COL15A1: variants seen among roughly 807,000 people sequenced by gnomAD.
COL15A1 encodes the protein collagen alpha-1(XV) chain.
A neutral mutation model predicts 165.9 loss-of-function variants in COL15A1; 111 were observed. That is an observed-to-expected ratio of 0.67 (90% CI 0.57 to 0.78). The LOEUF (loss-of-function observed/expected upper bound fraction) is 0.78, where lower values mean the gene tolerates loss of function less well. Ranked by LOEUF, COL15A1 falls within the 30% of genes least tolerant of loss-of-function variation. COL15A1 has a pLI of 0.00. For missense variants in COL15A1, 1,745 were observed against 1,789.7 expected, an observed-to-expected ratio of 0.98 and a Z score of 0.45; for synonymous variants, 659 against 674.8, an observed-to-expected ratio of 0.98 and a Z score of 0.36.
At chr9:99,041,983 T>A (rs2119072524) in intron 23 of COL15A1, 62 bp from the exon 24 acceptor site, 1 of 1,079,304 alleles carries the variant, frequency 9.3e-7, no homozygotes, top group South Asian at 1.4e-5. Flanking sequence ...AATATATTTC[T>A]GATTGGTTTA....
chr9:98,991,129 G>A (rs968284177), intron 5 of COL15A1, among the ~76,000 whole-genome samples: 1 of 152,188 alleles, frequency 6.6e-6, no homozygotes, highest in Non-Finnish European at 1.5e-5. Context: ...CATAAAGTCA[G>A]TGCGGACCCA....
intron 35 of COL15A1, 109 bp from the exon 36 acceptor site, chr9:99,059,780 T>C: frequency 1.6e-6 from 2 of 1,212,580 alleles, no homozygotes; most frequent in Non-Finnish European, 2.4e-6. Flanking sequence ...GGATGCTTTG[T>C]GGCGCTGTGA....
At chr9:99,045,480 A>G (rs1436302450) in intron 26 of COL15A1, among the ~76,000 whole-genome samples, 1 of 152,232 alleles carries the variant, frequency 6.6e-6, no homozygotes, top group Non-Finnish European at 1.5e-5. Flanking sequence ...CTGGGAATCC[A>G]TAACCCATCT....
chr9:98,989,715 CTT>C (rs1838383446), intron 5 of COL15A1, among the ~76,000 whole-genome samples: 1 of 152,204 alleles, frequency 6.6e-6, no homozygotes, highest in Non-Finnish European at 1.5e-5. Flanking sequence ...AACGATGGCT[CTT>C]GTTATATTTG....
chr9:98,953,303 A>G (rs1658762449), intron 2 of COL15A1, among the ~76,000 whole-genome samples: 1 of 152,158 alleles, frequency 6.6e-6, no homozygotes, highest in African/African-American at 2.4e-5. Context: ...TGCTCTATCC[A>G]AACTACAGAG....
At chr9:99,015,686 G>T in intron 10 of COL15A1, 120 bp downstream of exon 10, 1 of 952,014 alleles carries the variant, frequency 1.1e-6, no homozygotes, top group South Asian at 1.6e-5. Context: ...CACATGTCTG[G>T]GTGGGCAGCT....
chr9:99,047,302 G>A (rs1057487516), intron 26 of COL15A1, among the ~76,000 whole-genome samples: 1 of 152,236 alleles, frequency 6.6e-6, no homozygotes, highest in Admixed American at 6.5e-5. Flanking sequence ...CCTAGGGGCA[G>A]GTTAGAGCAA....
chr9:99,000,732 G>A, intron 6 of COL15A1, 107 bp from the exon 7 acceptor site: 1 of 703,890 alleles, frequency 1.4e-6, no homozygotes, highest in Non-Finnish European at 2.6e-6. Flanking sequence ...TTGACCCTGT[G>A]TCATGGTATC....
intron 2 of COL15A1, among the ~76,000 whole-genome samples, chr9:98,979,682 A>C (rs1838201880): frequency 6.6e-6 from 1 of 151,688 alleles, no homozygotes; most frequent in Admixed American, 6.6e-5. Context: ...AGTTCTATGC[A>C]GAACATTTTT....
intron 26 of COL15A1, 133 bp from the exon 27 acceptor site, chr9:99,047,653 C>A (rs2119093589): frequency 2.2e-6 from 2 of 902,634 alleles, no homozygotes; most frequent in Non-Finnish European, 1.8e-6. Context: ...GGGCTTCTAC[C>A]TGGCTCCCTG....
At chr9:99,064,555 T>C (rs1825865736) in intron 39 of COL15A1, among the ~76,000 whole-genome samples, 1 of 152,010 alleles carries the variant, frequency 6.6e-6, no homozygotes, top group Non-Finnish European at 1.5e-5. Flanking sequence ...CAAAAGAGAA[T>C]CTATACAGTC....
intron 16 of COL15A1, among the ~76,000 whole-genome samples, chr9:99,031,331 C>G (rs753085140): frequency 3.9e-5 from 6 of 152,140 alleles, no homozygotes; most frequent in Non-Finnish European, 5.9e-5. Context: ...GAGATGGGAC[C>G]CTTCCCATGC....
At chr9:99,034,779 A>G (rs1839269468) in intron 17 of COL15A1, among the ~76,000 whole-genome samples, 195 bp downstream of exon 17, 1 of 152,078 alleles carries the variant, frequency 6.6e-6, no homozygotes, top group Non-Finnish European at 1.5e-5. Context: ...ACACACTTCA[A>G]TGTTTTCTCC....
At chr9:98,959,244 A>T (rs1356638677) in intron 2 of COL15A1, among the ~76,000 whole-genome samples, 1 of 151,330 alleles carries the variant, frequency 6.6e-6, no homozygotes, top group East Asian at 1.9e-4. Context: ...AAAAAAAAAA[A>T]AAACTAAAAA....
intron 2 of COL15A1, among the ~76,000 whole-genome samples, chr9:98,964,796 T>G (rs1837928397): frequency 6.6e-6 from 1 of 152,174 alleles, no homozygotes. Flanking sequence ...GGCATCAGTT[T>G]TCTCATCTTG....
intron 2 of COL15A1, among the ~76,000 whole-genome samples, chr9:98,965,405 A>G (rs1478725190): frequency 6.6e-6 from 1 of 152,204 alleles, no homozygotes; most frequent in Non-Finnish European, 1.5e-5. Context: ...CAGTCATCTC[A>G]TCTGAAAATG....
intron 6 of COL15A1, chr9:98,998,003 CAGA>C (rs1404879990): frequency 6.6e-6 from 1 of 152,206 alleles, no homozygotes; most frequent in Non-Finnish European, 1.5e-5. Flanking sequence ...ACTGGTGATA[CAGA>C]AGATTTAATG....
At chr9:99,051,647 C>T (rs906862846) in intron 30 of COL15A1, among the ~76,000 whole-genome samples, 1 of 152,202 alleles carries the variant, frequency 6.6e-6, no homozygotes, top group Admixed American at 6.5e-5. Flanking sequence ...TTCCTCCCCA[C>T]TCCCATCTTT....
At chr9:98,970,794 TG>T (rs1214892895) in intron 2 of COL15A1, among the ~76,000 whole-genome samples, 3 of 152,036 alleles carry the variant, frequency 2.0e-5, no homozygotes, top group Non-Finnish European at 4.4e-5. Context: ...TGTGTCAGTG[TG>T]TGAGTTTGTA....
Sources: gnomAD v4.1 joint callset for allele counts (sites outside exome capture counted in the v4.1 genomes callset) on GRCh38, gnomAD v4.1.1 for gene constraint, MANE v1.5 for transcripts, NCBI Gene and HGNC (gene_info 2026-07-23, HGNC 2026-07-21) for gene names.